LRRFIP1: variants seen among roughly 807,000 people sequenced by gnomAD.
The protein encoded by LRRFIP1 is LRR binding FLII interacting protein 1.
LRRFIP1 carries 62 observed loss-of-function variants against 104.4 expected under a neutral mutation model. The observed-to-expected ratio is 0.59, with a 90% CI of 0.48 to 0.73. The LOEUF (loss-of-function observed/expected upper bound fraction) is 0.73. Ranked by LOEUF, LRRFIP1 falls within the 30% of genes least tolerant of loss-of-function variation. The pLI, the probability that LRRFIP1 is intolerant of heterozygous loss-of-function variation, is 0.00. For synonymous variants in LRRFIP1, 300 were observed against 299.0 expected, an observed-to-expected ratio of 1.00 and a Z score of -0.03; for missense variants, 796 against 824.5, an observed-to-expected ratio of 0.97 and a Z score of 0.42.
intron 1 of LRRFIP1, chr2:237,692,198 C>T (rs1344914809): frequency 2.8e-6 from 3 of 1,058,086 alleles, no homozygotes; most frequent in African/African-American, 1.7e-5. Flanking sequence ...AGTCCCGCTT[C>T]CCCGGCGCCC....
At chr2:237,638,842 TG>T (rs2083475476) in intron 1 of LRRFIP1, among the ~76,000 whole-genome samples, 1 of 152,340 alleles carries the variant, frequency 6.6e-6, no homozygotes, top group South Asian at 2.1e-4. Context: ...TGCTTACACA[TG>T]GGGCTGCATA....
chr2:237,687,040 A>C (rs2092420643), intron 1 of LRRFIP1, among the ~76,000 whole-genome samples: 1 of 152,220 alleles, frequency 6.6e-6, no homozygotes, highest in African/African-American at 2.4e-5. Context: ...GCTCTGAGTG[A>C]GGCCCCTGGA....
chr2:237,733,627 A>G lies in LRRFIP1; in HGVS notation c.445-147A>G, dbSNP rs1037281955. 89 of 665,394 alleles carry G rather than the reference A, an allele frequency of 1.3e-4. No individual in the cohort carries two copies. In the Admixed American group the frequency reaches 2.3e-3, roughly 17 times the overall value. 41.2% of individuals were successfully genotyped at this position (665,394 alleles called of 1,614,324 possible). Reference sequence around the variant, plus strand: ...TGCATCTATCAAATTTGCAGAAAACACGGTGCCTCGATCGGTTTGTTTCTG... The same window carrying G: ...TGCATCTATCAAATTTGCAGAAAACGCGGTGCCTCGATCGGTTTGTTTCTG... On this transcript the variant is annotated intron_variant, in intron 8 of 23. Coordinates refer to ENST00000308482, the MANE Select transcript of LRRFIP1 (RefSeq NM_001137550.2).
At chr2:237,709,381 C>T (rs1022759972) in intron 2 of LRRFIP1, among the ~76,000 whole-genome samples, 5 of 152,212 alleles carry the variant, frequency 3.3e-5, no homozygotes, top group African/African-American at 1.2e-4. Flanking sequence ...ACCATCCACA[C>T]TGAGCCCACC....
chr2:237,725,058 G>A (rs574629468), intron 7 of LRRFIP1, among the ~76,000 whole-genome samples: 4 of 152,256 alleles, frequency 2.6e-5, no homozygotes, highest in East Asian at 1.9e-4. Flanking sequence ...ATTAGCATTC[G>A]GACTAGTCAC....
At chr2:237,736,604 T>C (rs760784052) in intron 10 of LRRFIP1, among the ~76,000 whole-genome samples, 4 of 152,208 alleles carry the variant, frequency 2.6e-5, no homozygotes. Flanking sequence ...TGAGATGGGC[T>C]TCGGGAGTCG....
At chr2:237,718,209 G>T (rs1000609899) in intron 4 of LRRFIP1, among the ~76,000 whole-genome samples, 8 of 152,244 alleles carry the variant, frequency 5.3e-5, no homozygotes, top group African/African-American at 1.9e-4. Context: ...CAGCTCACCA[G>T]GCTGTGGTTG....
intron 3 of LRRFIP1, among the ~76,000 whole-genome samples, chr2:237,715,598 A>C (rs1353870015): frequency 6.6e-6 from 1 of 152,266 alleles, no homozygotes; most frequent in Admixed American, 6.5e-5. Flanking sequence ...GAGCAGAGGC[A>C]CAGTTTTGTA....
chr2:237,684,041 A>C (rs2092110976), intron 1 of LRRFIP1, among the ~76,000 whole-genome samples: 1 of 152,176 alleles, frequency 6.6e-6, no homozygotes, highest in Admixed American at 6.5e-5. Flanking sequence ...GATTTATTTC[A>C]TGGCTCTGAC....
chr2:237,735,986 A>G lies in LRRFIP1; in HGVS notation c.555+653A>G, dbSNP rs1230023392. On this transcript the variant is annotated intron_variant, in intron 10 of 23. Transcript: ENST00000308482. The surrounding 1 kb of genome is among the most constrained non-coding windows in gnomAD (Gnocchi z 4.6). Reference sequence around the variant, plus strand: ...CCCTGGCGGTGGATCTCCTGTATTCAGAGGCTCCTCCCCAATCCTATAAAA... The same window carrying G: ...CCCTGGCGGTGGATCTCCTGTATTCGGAGGCTCCTCCCCAATCCTATAAAA... 1.3e-5 allele frequency among the ~76,000 whole-genome samples: 2 copies of G among 152,344 alleles called. No individual in the cohort carries two copies. Among genetic ancestry groups the G allele is most frequent in the African/African-American group, 2.4e-5 (1 of 41,582 alleles).
At chr2:237,640,438 A>G (rs193008957) in intron 1 of LRRFIP1, among the ~76,000 whole-genome samples, 1 of 152,068 alleles carries the variant, frequency 6.6e-6, no homozygotes, top group East Asian at 1.9e-4. Context: ...GCATCTTCAG[A>G]TTACTCAAAA....
intron 19 of LRRFIP1, among the ~76,000 whole-genome samples, chr2:237,761,630 A>G (rs1440030572): frequency 2.6e-5 from 4 of 152,266 alleles, no homozygotes; most frequent in African/African-American, 9.6e-5. Flanking sequence ...TTAAATCTAC[A>G]TATGTATACT....
At position 237,735,710 on chromosome 2, in the gene LRRFIP1, A is replaced by G. The variant is rs1403001770; in HGVS notation, c.555+377A>G. ...TAGTTGAGGAAGAGGAACAAATTTT[A>G]AAACTTGGAATGTTACGCATATTTC... On this transcript the variant is annotated intron_variant, in intron 10 of 23. Coordinates refer to ENST00000308482, the MANE Select transcript of LRRFIP1 (RefSeq NM_001137550.2). This position sits in a 1 kb window ranked among gnomAD's most constrained non-coding sequence, Gnocchi z 4.6. 1 of 194,172 alleles carries G rather than the reference A, an allele frequency of 5.2e-6. No homozygotes were observed. The highest frequency in any genetic ancestry group is 1.1e-5 in the Non-Finnish European group (1 of 94,670). 12.0% of individuals were successfully genotyped at this position (194,172 alleles called of 1,614,324 possible).
intron 13 of LRRFIP1, among the ~76,000 whole-genome samples, chr2:237,749,570 C>T (rs2058324564): frequency 6.6e-6 from 1 of 152,130 alleles, no homozygotes; most frequent in Non-Finnish European, 1.5e-5. Flanking sequence ...CCCCTGCGCC[C>T]CTCAGCACCC....
intron 1 of LRRFIP1, among the ~76,000 whole-genome samples, chr2:237,688,977 G>A (rs1243613810): frequency 2.8e-5 from 4 of 143,470 alleles, no homozygotes; most frequent in African/African-American, 8.9e-5. Context: ...CTTCTGACCC[G>A]GCCTTCCCAT....
rs549196467 is a variant in LRRFIP1, at chr2:237,736,712, A to G, written c.555+1379A>G. On this transcript the variant is annotated intron_variant, in intron 10 of 23. Transcript: ENST00000308482. ...TTGCCTGGGAGTGATGGCCTTAGAG[A>G]GTTAAGAAAACAGGAGGTCATCTTG... 6.6e-5 allele frequency among the ~76,000 whole-genome samples: 10 copies of G among 152,238 alleles called. No individual in the cohort carries two copies. In the South Asian group the frequency reaches 2.1e-3, roughly 32 times the overall value.
chr2:237,766,378 T>TA lies in LRRFIP1; in HGVS notation c.1460-3563dup, dbSNP rs1367716588. ...TTCACAGGGTTTTAGTTTATGTCTC[T>TA]AACTTTAGCAAAGCTGCATTCCTAT... On this transcript the variant is annotated intron_variant, in intron 19 of 23. Transcript: ENST00000308482. The surrounding 1 kb of genome is among the most constrained non-coding windows in gnomAD (Gnocchi z 4.8). 5.3e-5 allele frequency among the ~76,000 whole-genome samples: 8 copies of TA among 152,190 alleles called. No homozygotes were observed. Among genetic ancestry groups the TA allele is most frequent in the Non-Finnish European group, 8.8e-5 (6 of 68,036 alleles).
intron 1 of LRRFIP1, among the ~76,000 whole-genome samples, chr2:237,694,469 C>T (rs56187789): frequency 6.6e-6 from 1 of 150,664 alleles, no homozygotes; most frequent in Admixed American, 6.6e-5. Context: ...TGGGGGTCAT[C>T]ATGGGTGGGG....
chr2:237,772,304 C>G, intron 21 of LRRFIP1, 106 bp downstream of exon 21: 3 of 786,502 alleles, frequency 3.8e-6, no homozygotes, highest in Non-Finnish European at 6.4e-6. Flanking sequence ...CTCATTCCCT[C>G]ACATCCCCAC....
Sources: gnomAD v4.1 joint callset for allele counts (sites outside exome capture counted in the v4.1 genomes callset) on GRCh38, gnomAD v4.1.1 for gene constraint, Gnocchi (gnomAD v3.1) non-coding constraint, MANE v1.5 for transcripts, NCBI Gene and HGNC (gene_info 2026-07-23, HGNC 2026-07-21) for gene names.